The following RAD51B variants were observed in gnomAD, a reference collection of about 807,000 sequenced individuals.
The protein encoded by RAD51B is DNA repair protein RAD51 homolog 2.
RAD51B carries 38 observed loss-of-function variants against 42.2 expected under a neutral mutation model. The observed-to-expected ratio is 0.90, with a 90% CI of 0.70 to 1.18. The LOEUF is 1.18. RAD51B is among the 50% of genes most tolerant of loss of function. The pLI, the probability that RAD51B is intolerant of heterozygous loss-of-function variation, is 0.00. For synonymous variants in RAD51B, 154 were observed against 145.2 expected, an observed-to-expected ratio of 1.06 and a Z score of -0.43; for missense variants, 373 against 400.7, an observed-to-expected ratio of 0.93 and a Z score of 0.59.
At chr14:67,920,539 C>A (rs2140133323) in intron 7 of RAD51B, among the ~76,000 whole-genome samples, 1 of 151,820 alleles carries the variant, frequency 6.6e-6, no homozygotes, top group East Asian at 1.9e-4. Flanking sequence ...GATAAATGGC[C>A]CATAAAGAAA....
At chr14:68,680,386 G>A (rs923928994) in intron 11 of RAD51B, among the ~76,000 whole-genome samples, 2 of 152,198 alleles carry the variant, frequency 1.3e-5, no homozygotes, top group African/African-American at 4.8e-5. Context: ...CAAGCACATA[G>A]ATGATAGTAA....
At chr14:67,950,220 C>T (rs2074418629) in intron 7 of RAD51B, among the ~76,000 whole-genome samples, 1 of 152,162 alleles carries the variant, frequency 6.6e-6, no homozygotes, top group African/African-American at 2.4e-5. Flanking sequence ...TTCCCCCCAC[C>T]TAGTGTGAGG....
intron 7 of RAD51B, among the ~76,000 whole-genome samples, chr14:67,959,006 G>T (rs927361684): frequency 6.6e-6 from 1 of 151,958 alleles, no homozygotes; most frequent in African/African-American, 2.4e-5. Context: ...AATCTTTAGG[G>T]TTTACTTGCC....
intron 7 of RAD51B, among the ~76,000 whole-genome samples, chr14:68,163,388 C>A (rs1485274684): frequency 6.6e-6 from 1 of 152,172 alleles, no homozygotes; most frequent in East Asian, 1.9e-4. Flanking sequence ...AATGAACATT[C>A]CTCTGATTTC....
intron 8 of RAD51B, among the ~76,000 whole-genome samples, chr14:68,350,300 A>G (rs551693412): frequency 1.5e-4 from 23 of 152,246 alleles, no homozygotes; most frequent in Non-Finnish European, 3.4e-4. Flanking sequence ...TGTTTTCAGA[A>G]TGATGGCTAA....
intron 9 of RAD51B, among the ~76,000 whole-genome samples, chr14:68,453,943 A>G (rs2085620463): frequency 6.6e-6 from 1 of 152,232 alleles, no homozygotes; most frequent in Non-Finnish European, 1.5e-5. Flanking sequence ...ACTCAAAAGA[A>G]AACTTAAAGT....
At chr14:68,033,673 A>G (rs1266824082) in intron 7 of RAD51B, among the ~76,000 whole-genome samples, 1 of 152,230 alleles carries the variant, frequency 6.6e-6, no homozygotes, top group South Asian at 2.1e-4. Flanking sequence ...GCAGAAGGCT[A>G]TGGCTTCCAC....
chr14:67,995,115 T>C (rs11850946), intron 7 of RAD51B, among the ~76,000 whole-genome samples: 34,264 of 151,912 alleles, frequency 0.23, 4,724 homozygotes, highest in African/African-American at 0.38. Context: ...CGGCCGGGCA[T>C]GGTTGCTCAC....
chr14:68,307,960 G>A lies in RAD51B; in HGVS notation c.853+15980G>A, dbSNP rs534402215. Among the ~76,000 whole-genome samples the A allele has an allele frequency of 2.6e-5, 4 of 152,120 alleles. 1 individual carries two copies. Among genetic ancestry groups the A allele is most frequent in the Admixed American group, 2.0e-4 (3 of 15,266 alleles). On this transcript the variant is annotated intron_variant, in intron 8 of 10. Transcript: ENST00000471583. ...TCTTGCAACACAAACATCTGGACTG[G>A]ATTTTTGTCAGCTGGAGTTGAGAGA...
At chr14:68,214,837 T>G (rs2140951486) in intron 7 of RAD51B, among the ~76,000 whole-genome samples, 1 of 152,352 alleles carries the variant, frequency 6.6e-6, no homozygotes, top group Non-Finnish European at 1.5e-5. Flanking sequence ...TGCATTGTGC[T>G]GTAGTAAAAA....
intron 7 of RAD51B, among the ~76,000 whole-genome samples, chr14:67,965,984 A>G (rs764514352): frequency 6.6e-6 from 1 of 152,202 alleles, no homozygotes; most frequent in African/African-American, 2.4e-5. Flanking sequence ...GCATTATAGC[A>G]GTGATTAAAT....
chr14:67,996,218 A>C (rs2075380749), intron 7 of RAD51B, among the ~76,000 whole-genome samples: 1 of 151,666 alleles, frequency 6.6e-6, no homozygotes, highest in Non-Finnish European at 1.5e-5. Context: ...GAACAAAGTG[A>C]GACCCGGCCT....
chr14:67,991,888 A>G (rs1166740695), intron 7 of RAD51B, among the ~76,000 whole-genome samples: 3 of 152,188 alleles, frequency 2.0e-5, no homozygotes, highest in Non-Finnish European at 4.4e-5. Context: ...TTTACTGAGA[A>G]CAAGTTTATA....
intron 4 of RAD51B, among the ~76,000 whole-genome samples, chr14:67,842,479 C>T (rs1368610179): frequency 3.3e-5 from 5 of 152,178 alleles, no homozygotes; most frequent in Non-Finnish European, 5.9e-5. Context: ...CTCACCTTCT[C>T]TTGCCTCAGC....
At chr14:68,271,602 A>G (rs2081105425) in intron 7 of RAD51B, among the ~76,000 whole-genome samples, 1 of 152,168 alleles carries the variant, frequency 6.6e-6, no homozygotes, top group African/African-American at 2.4e-5. Flanking sequence ...GCTTCCAGTT[A>G]TGGCTCTCCC....
chr14:68,515,009 A>C (rs1886034671), intron 10 of RAD51B, among the ~76,000 whole-genome samples: 1 of 152,224 alleles, frequency 6.6e-6, no homozygotes, highest in South Asian at 2.1e-4. Context: ...CCTAGCCCAG[A>C]AAACCTCTGC....
intron 7 of RAD51B, among the ~76,000 whole-genome samples, chr14:68,266,412 A>G (rs1335435872): frequency 6.6e-6 from 1 of 152,184 alleles, no homozygotes; most frequent in Non-Finnish European, 1.5e-5. Flanking sequence ...ATGGCTTCCA[A>G]GTATAGGGTA....
chr14:68,537,092 CAAAAAAAAA>C (rs5809385), intron 10 of RAD51B, among the ~76,000 whole-genome samples: 2 of 104,742 alleles, frequency 1.9e-5, no homozygotes, highest in Non-Finnish European at 1.8e-5. Flanking sequence ...GGTCCTGTCT[CAAAAAAAAA>C]AAAAAAAAAG....
chr14:68,285,781 T>G (rs144865342), intron 7 of RAD51B, among the ~76,000 whole-genome samples: 4 of 152,304 alleles, frequency 2.6e-5, no homozygotes, highest in Non-Finnish European at 5.9e-5. Flanking sequence ...CCTTCAACTC[T>G]GTTGCACAGA....
Sources: allele counts gnomAD v4.1 joint callset (sites outside exome capture counted in the v4.1 genomes callset), GRCh38; gene constraint gnomAD v4.1.1; transcripts MANE v1.5; gene names NCBI Gene and HGNC (gene_info 2026-07-23, HGNC 2026-07-21).